NFAT5: variants seen among roughly 807,000 people sequenced by gnomAD.
The protein encoded by NFAT5 is nuclear factor of activated T-cells 5.
NFAT5 carries 31 observed loss-of-function variants against 166.5 expected under a neutral mutation model. The observed-to-expected ratio is 0.19, with a 90% CI of 0.14 to 0.25. The LOEUF (loss-of-function observed/expected upper bound fraction) is 0.25. Among genes scored for constraint, NFAT5 ranks in the 10% least tolerant of loss-of-function variants. The probability of loss-of-function intolerance (pLI) is 1.00; values close to 1 mark genes in which losing one functional copy is unlikely to be tolerated. For synonymous variants in NFAT5, 612 were observed against 639.7 expected (o/e 0.96, Z 0.65); for missense variants, 1,449 against 1,821.8 (o/e 0.80, Z 3.72).
intron 2 of NFAT5, among the ~76,000 whole-genome samples, chr16:69,604,019 C>T (rs1458254517): frequency 2.0e-5 from 3 of 152,002 alleles, no homozygotes; most frequent in South Asian, 2.1e-4. Context: ...TTTCTAATAG[C>T]CTAGGTCAGT....
Position 69,702,766 on chromosome 16 carries a change from T to C in NFAT5, c.*6415T>C, listed in dbSNP as rs996145020. 1.3e-5 allele frequency: 2 copies of C among 152,650 alleles called. No homozygotes were observed. Among genetic ancestry groups the C allele is most frequent in the Admixed American group, 6.5e-5 (1 of 15,276 alleles). The allele number at this position is 152,650 out of a possible 1,614,324, so 9.5% of individuals were successfully genotyped here. Reference sequence around the variant, plus strand: ...AGTTTTTCTTCCACTCAGACTGATATAGTTATACATTGTTCTTCATGTAAA... The same window carrying C: ...AGTTTTTCTTCCACTCAGACTGATACAGTTATACATTGTTCTTCATGTAAA... On this transcript the variant is annotated 3_prime_UTR_variant, in exon 15 of 15. Coordinates refer to ENST00000349945, the MANE Select transcript of NFAT5 (RefSeq NM_138713.4).
intron 2 of NFAT5, among the ~76,000 whole-genome samples, chr16:69,622,810 T>C (rs533850118): frequency 1.4e-4 from 20 of 142,908 alleles, no homozygotes; most frequent in Non-Finnish European, 2.6e-4. Context: ...ATCTGTTTCT[T>C]TCAAATTTCC....
intron 2 of NFAT5, among the ~76,000 whole-genome samples, chr16:69,599,898 G>T (rs755639037): frequency 1.3e-5 from 2 of 152,200 alleles, no homozygotes; most frequent in African/African-American, 2.4e-5. Context: ...GCTAGATCAT[G>T]TAAGGACTTT....
rs866259625 is a variant in NFAT5 at position 69,696,558 on chromosome 16, A to G, written c.*207A>G. ...CAATGTTAACATCTTCATATTTTAT[A>G]TTCCTAATAACAGTGATGACTGAGA... On this transcript the variant is annotated 3_prime_UTR_variant, in exon 15 of 15. Coordinates refer to ENST00000349945, the MANE Select transcript of NFAT5 (RefSeq NM_138713.4). 7.2e-5 allele frequency: 11 copies of G among 152,804 alleles called. No homozygotes were observed. Among genetic ancestry groups the G allele is most frequent in the South Asian group, 4.1e-4 (2 of 4,832 alleles). 9.5% of individuals were successfully genotyped at this position (152,804 alleles called of 1,614,324 possible). A position where few individuals can be genotyped will look rare whatever the true frequency, so the allele number is the denominator to read the frequency against.
Position 69,670,330 on chromosome 16 carries a change from T to G in NFAT5, c.1557+42T>G, listed in dbSNP as rs754084117. The G allele has an allele frequency of 1.4e-5, 17 of 1,248,000 alleles. No individual in the cohort carries two copies. In the African/African-American group the frequency reaches 2.5e-4, roughly 18 times the overall value. 77.3% of individuals were successfully genotyped at this position (1,248,000 alleles called of 1,614,324 possible). On this transcript the variant is annotated intron_variant, in intron 9 of 14. Transcript: ENST00000349945. Reference sequence around the variant, plus strand: ...TTTTATAATTTGGTTATTTACTCTCTGAGCAATTCAGTTTTGTTTTGAAAT... The same window carrying G: ...TTTTATAATTTGGTTATTTACTCTCGGAGCAATTCAGTTTTGTTTTGAAAT...
chr16:69,604,995 A>G (rs2033329520), intron 2 of NFAT5, among the ~76,000 whole-genome samples: 1 of 152,190 alleles, frequency 6.6e-6, no homozygotes, highest in South Asian at 2.1e-4. Flanking sequence ...CATTGTGAAT[A>G]GTGTTGCTGT....
intron 2 of NFAT5, among the ~76,000 whole-genome samples, chr16:69,578,241 G>A (rs2031426439): frequency 1.3e-5 from 2 of 152,158 alleles, no homozygotes; most frequent in South Asian, 2.1e-4. Flanking sequence ...ATCTCCAACA[G>A]ATACCAAGGG....
chr16:69,670,766 A>G (rs755795613), intron 9 of NFAT5, among the ~76,000 whole-genome samples: 1 of 152,212 alleles, frequency 6.6e-6, no homozygotes, highest in Non-Finnish European at 1.5e-5. Flanking sequence ...AACAAGGATC[A>G]AGACCTGACT....
chr16:69,605,238 G>A (rs577194052), intron 2 of NFAT5, among the ~76,000 whole-genome samples: 2 of 152,276 alleles, frequency 1.3e-5, no homozygotes, highest in African/African-American at 2.4e-5. Flanking sequence ...TCAGGAGTTC[G>A]AGATCTGCCT....
chr16:69,574,126 C>A (rs528066215), intron 2 of NFAT5, among the ~76,000 whole-genome samples: 1 of 152,098 alleles, frequency 6.6e-6, no homozygotes, highest in East Asian at 1.9e-4. Flanking sequence ...CCACCTCGGC[C>A]CCCCAAAGTG....
At chr16:69,600,789 G>GCTA (rs938179173) in intron 2 of NFAT5, among the ~76,000 whole-genome samples, 1 of 141,360 alleles carries the variant, frequency 7.1e-6, no homozygotes, top group African/African-American at 2.6e-5. Flanking sequence ...AGGCTCCTGA[G>GCTA]CTACTTTGAG....
chr16:69,692,545 T>C lies in NFAT5; in HGVS notation c.2720T>C (p.Val907Ala). The change falls in exon 13 of 15, where the codon GTG (valine) becomes GCG (alanine). Residue 907 changes from valine to alanine, a missense_variant. Physicochemically the swap from Val to Ala is moderately conservative, Grantham distance 64. This residue lies in a region of NFAT5 where 891 missense variants were observed against 993.0 expected (regional missense o/e 0.90). Coordinates refer to ENST00000349945, the MANE Select transcript of NFAT5 (RefSeq NM_138713.4). ...QQQQQQQQQQ[V>A]MESSAAMVME... ...CAGCAGCAGCAGCAGCAACAGCAAG[T>C]GATGGAATCTTCAGCCGCAATGGTG... The C allele has an allele frequency of 6.2e-7, 1 of 1,614,032 alleles. No individual in the cohort carries two copies. Among genetic ancestry groups the C allele is most frequent in the Middle Eastern group, 1.6e-4 (1 of 6,062 alleles).
At chr16:69,686,365 T>C (rs988729676) in intron 11 of NFAT5, among the ~76,000 whole-genome samples, 9 of 150,384 alleles carry the variant, frequency 6.0e-5, no homozygotes, top group African/African-American at 2.2e-4. Context: ...AAAAAAAAAA[T>C]TAAAAACATT....
intron 2 of NFAT5, among the ~76,000 whole-genome samples, chr16:69,620,532 A>C (rs2034150956): frequency 6.6e-6 from 1 of 152,208 alleles, no homozygotes; most frequent in African/African-American, 2.4e-5. Context: ...CCAGGAGTTC[A>C]GGACCAGCCT....
chr16:69,631,713 C>T (rs2034725671), intron 3 of NFAT5, among the ~76,000 whole-genome samples: 2 of 151,948 alleles, frequency 1.3e-5, no homozygotes, highest in Non-Finnish European at 2.9e-5. Context: ...GCAACCTCCA[C>T]CTCCCGGGTT....
chr16:69,691,201 A>G (rs2037532335), intron 12 of NFAT5, 113 bp downstream of exon 12: 7 of 1,005,104 alleles, frequency 7.0e-6, no homozygotes, highest in South Asian at 2.7e-5. Flanking sequence ...ATTTTGCTGT[A>G]AAGAGGGAAT....
intron 2 of NFAT5, among the ~76,000 whole-genome samples, chr16:69,586,314 A>G (rs1276405858): frequency 2.0e-5 from 3 of 152,208 alleles, no homozygotes; most frequent in Non-Finnish European, 2.9e-5. Flanking sequence ...TTGATAATCA[A>G]AAACTAAATT....
At chr16:69,628,879 C>T (rs2034584376) in intron 3 of NFAT5, among the ~76,000 whole-genome samples, 1 of 152,158 alleles carries the variant, frequency 6.6e-6, no homozygotes, top group South Asian at 2.1e-4. Context: ...TCAAGACCAG[C>T]CTGATCAACA....
intron 3 of NFAT5, among the ~76,000 whole-genome samples, chr16:69,641,300 A>T (rs964103128): frequency 4.9e-5 from 7 of 143,994 alleles, no homozygotes; most frequent in African/African-American, 1.8e-4. Flanking sequence ...AAAAAAAAAA[A>T]GGAAATTGTT....
Sources: allele counts gnomAD v4.1 joint callset (sites outside exome capture counted in the v4.1 genomes callset), GRCh38; gene constraint gnomAD v4.1.1; regional missense constraint gnomAD v4.1.1; transcripts MANE v1.5; gene names NCBI Gene and HGNC (gene_info 2026-07-23, HGNC 2026-07-21).